KCNH8: variants seen among roughly 807,000 people sequenced by gnomAD.
KCNH8 encodes potassium voltage-gated channel subfamily H member 8.
Under a neutral mutation model 103.6 loss-of-function variants are expected in KCNH8, and 70 were observed. That is an observed-to-expected ratio of 0.68 (90% CI 0.56 to 0.82). The LOEUF is 0.82. Ranked by LOEUF, KCNH8 falls within the 40% of genes least tolerant of loss-of-function variation. The pLI is 0.00. For missense variants in KCNH8, 1,217 were observed against 1,329.9 expected (o/e 0.92, Z 1.32); for synonymous variants, 498 against 489.4 (o/e 1.02, Z -0.23).
intron 11 of KCNH8, among the ~76,000 whole-genome samples, chr3:19,483,235 G>T (rs1559349569): frequency 1.3e-5 from 2 of 152,098 alleles, no homozygotes; most frequent in African/African-American, 2.4e-5. Flanking sequence ...AGTGGGGGCT[G>T]TCCAGTCCTG....
chr3:19,321,928 A>G (rs2065355737), intron 3 of KCNH8, among the ~76,000 whole-genome samples: 1 of 152,100 alleles, frequency 6.6e-6, no homozygotes. Flanking sequence ...TTATCATTAT[A>G]TAATGTCCTT....
At chr3:19,188,759 A>G (rs2063525357) in intron 1 of KCNH8, among the ~76,000 whole-genome samples, 1 of 152,054 alleles carries the variant, frequency 6.6e-6, no homozygotes, top group South Asian at 2.1e-4. Context: ...AATAAATAGC[A>G]TATTCCTGAA....
intron 11 of KCNH8, among the ~76,000 whole-genome samples, chr3:19,492,168 CTTTAG>C (rs2068337378): frequency 6.6e-6 from 1 of 152,020 alleles, no homozygotes; most frequent in African/African-American, 2.4e-5. Flanking sequence ...TGCAGAAGCT[CTTTAG>C]TTTAATTAGA....
intron 15 of KCNH8, among the ~76,000 whole-genome samples, chr3:19,521,724 T>A (rs1232290258): frequency 2.0e-5 from 3 of 151,942 alleles, no homozygotes; most frequent in Non-Finnish European, 4.4e-5. Flanking sequence ...AATGGCAGAT[T>A]AATGATATTT....
At chr3:19,349,194 C>T (rs1466358516) in intron 5 of KCNH8, among the ~76,000 whole-genome samples, 7 of 151,836 alleles carry the variant, frequency 4.6e-5, no homozygotes, top group African/African-American at 7.3e-5. Context: ...TAAAATATAG[C>T]TATCCTTTAT....
rs116952033 is a variant in KCNH8 at position 19,504,093 on chromosome 3, A to G, written c.2041-6270A>G. Among the ~76,000 whole-genome samples the G allele has an allele frequency of 4.4e-3, 677 of 152,286 alleles. 4 individuals are homozygous for G. Among genetic ancestry groups the G allele is most frequent in the South Asian group, 0.02 (95 of 4,822 alleles). On this transcript the variant is annotated intron_variant, in intron 11 of 15. Coordinates refer to ENST00000328405, the MANE Select transcript of KCNH8 (RefSeq NM_144633.3). ...GCTGACAAAAACCAGCAATGGGGAA[A>G]GGACTCCTTATTCAATAAATAGTTC... is the stretch of plus-strand genomic sequence containing the variant.
chr3:19,340,547 A>T (rs1214402129), intron 3 of KCNH8, among the ~76,000 whole-genome samples: 1 of 152,068 alleles, frequency 6.6e-6, no homozygotes, highest in Non-Finnish European at 1.5e-5. Flanking sequence ...AATATTTCTT[A>T]ATGTAACATA....
intron 5 of KCNH8, among the ~76,000 whole-genome samples, chr3:19,375,709 G>C (rs1337715656): frequency 2.0e-5 from 3 of 152,124 alleles, no homozygotes; most frequent in Non-Finnish European, 4.4e-5. Flanking sequence ...CAGTTTTTCT[G>C]TTCTGTTTTT....
chr3:19,195,528 A>G (rs2063592238), intron 1 of KCNH8, among the ~76,000 whole-genome samples: 1 of 151,948 alleles, frequency 6.6e-6, no homozygotes, highest in Non-Finnish European at 1.5e-5. Context: ...ACAGTTCTGG[A>G]CATCTGCTTT....
chr3:19,444,414 TA>T (rs1237485759), intron 8 of KCNH8, among the ~76,000 whole-genome samples: 3 of 152,018 alleles, frequency 2.0e-5, no homozygotes, highest in Non-Finnish European at 4.4e-5. Flanking sequence ...AAAGGTAATA[TA>T]GGAGAATATT....
intron 2 of KCNH8, among the ~76,000 whole-genome samples, chr3:19,258,947 C>CTCTCTCTCTATATATATATATA (rs1321918245): frequency 8.1e-5 from 2 of 24,800 alleles, no homozygotes; most frequent in Non-Finnish European, 1.6e-4. Context: ...CTCTCTCTCT[C>CTCTCTCTCTATATATATATATA]TATATATATA....
chr3:19,493,685 G>A (rs77726818), intron 11 of KCNH8, among the ~76,000 whole-genome samples: 3 of 152,080 alleles, frequency 2.0e-5, no homozygotes, highest in East Asian at 3.9e-4. Context: ...TCAAGGGGAA[G>A]GGTTTTTTAG....
In KCNH8 at chr3:19,465,637, A is replaced by G. The variant is rs560010963; in HGVS notation, c.2040+8655A>G. Among the ~76,000 whole-genome samples, 9 of 151,760 alleles carry G rather than the reference A, an allele frequency of 5.9e-5. No individual in the cohort carries two copies. The South Asian group carries it at 1.9e-3, about 32-fold the overall frequency. The stretch of plus-strand genomic sequence containing the variant: ...CCATAGATAGTGATTTCTTTGATGG[A>G]CCTGGATGAATTAAGTTGAAAACAC... On this transcript the variant is annotated intron_variant, in intron 11 of 15. Transcript: ENST00000328405.
chr3:19,331,757 C>T (rs75245650), intron 3 of KCNH8, among the ~76,000 whole-genome samples: 4,554 of 152,006 alleles, frequency 0.03, 235 homozygotes, highest in East Asian at 0.17. Flanking sequence ...CCAATTATAC[C>T]CTTTTAAGTT....
At chr3:19,340,354 TTA>T (rs796847278) in intron 3 of KCNH8, among the ~76,000 whole-genome samples, 4 of 107,632 alleles carry the variant, frequency 3.7e-5, no homozygotes, top group South Asian at 6.3e-4. Context: ...TATTTTTTTT[TTA>T]ATTTTTTTTT....
intron 11 of KCNH8, among the ~76,000 whole-genome samples, chr3:19,494,684 G>A (rs964659333): frequency 1.3e-5 from 2 of 152,114 alleles, no homozygotes; most frequent in Admixed American, 6.6e-5. Flanking sequence ...TGTCTTTATG[G>A]TAAAATAATG....
At chr3:19,343,279 A>G (rs976565647) in intron 4 of KCNH8, among the ~76,000 whole-genome samples, 3 of 152,118 alleles carry the variant, frequency 2.0e-5, no homozygotes, top group African/African-American at 7.2e-5. Context: ...CTTCTAGTAA[A>G]TTACAATAGA....
At chr3:19,413,194 G>GAA (rs796510772) in intron 7 of KCNH8, among the ~76,000 whole-genome samples, 2 of 127,042 alleles carry the variant, frequency 1.6e-5, no homozygotes, top group African/African-American at 5.7e-5. Flanking sequence ...TAGCCAAAAA[G>GAA]AAAAAAAAAA....
intron 1 of KCNH8, among the ~76,000 whole-genome samples, chr3:19,162,358 C>CAAAAAAAA (rs1170369183): frequency 1.3e-5 from 1 of 75,822 alleles, no homozygotes; most frequent in African/African-American, 4.3e-5. Flanking sequence ...ACTAAAAATA[C>CAAAAAAAA]AAAAAAAAAA....
Sources: gnomAD v4.1 joint callset for allele counts (sites outside exome capture counted in the v4.1 genomes callset) on GRCh38, gnomAD v4.1.1 for gene constraint, MANE v1.5 for transcripts, NCBI Gene and HGNC (gene_info 2026-07-23, HGNC 2026-07-21) for gene names.